EYS: variants seen among roughly 807,000 people sequenced by gnomAD.
EYS encodes protein eyes shut homolog.
A neutral mutation model predicts 282.1 loss-of-function variants in EYS; 250 were observed. The observed-to-expected ratio is 0.89, with a 90% CI of 0.80 to 0.98. The LOEUF (loss-of-function observed/expected upper bound fraction) is 0.98. Among genes scored for constraint, EYS ranks in the 50% least tolerant of loss-of-function variants. The pLI, the probability that EYS is intolerant of heterozygous loss-of-function variation, is 0.00. For missense variants in EYS, 4,016 were observed against 3,709.0 expected, an observed-to-expected ratio of 1.08 and a Z score of -2.15; for synonymous variants, 1,355 against 1,282.9, an observed-to-expected ratio of 1.06 and a Z score of -1.20.
intron 35 of EYS, among the ~76,000 whole-genome samples, chr6:63,902,366 A>T (rs889944561): frequency 6.6e-6 from 1 of 152,228 alleles, no homozygotes; most frequent in Non-Finnish European, 1.5e-5. Context: ...TCTTGTTAGT[A>T]GAAATATTAA....
chr6:65,536,781 T>C (rs1057138973), intron 2 of EYS, among the ~76,000 whole-genome samples: 3 of 152,056 alleles, frequency 2.0e-5, no homozygotes, highest in African/African-American at 7.2e-5. Flanking sequence ...TTTGGGGAGA[T>C]ATAATATGCT....
At chr6:64,627,475 C>A (rs1399481522) in intron 22 of EYS, among the ~76,000 whole-genome samples, 1 of 152,146 alleles carries the variant, frequency 6.6e-6, no homozygotes, top group Non-Finnish European at 1.5e-5. Context: ...AGTATTGGAT[C>A]ATAAGTTTTA....
chr6:64,613,697 G>A (rs191944888), intron 24 of EYS, among the ~76,000 whole-genome samples: 3 of 152,208 alleles, frequency 2.0e-5, no homozygotes, highest in Admixed American at 6.5e-5. Flanking sequence ...CAGTGTGTAC[G>A]AGCTTGAGAG....
chr6:64,469,414 A>T (rs577540942), intron 26 of EYS, among the ~76,000 whole-genome samples: 1 of 152,248 alleles, frequency 6.6e-6, no homozygotes, highest in South Asian at 2.1e-4. Context: ...ATTAATCATT[A>T]GTTAGTAGTA....
At chr6:64,801,709 A>G (rs913399100) in intron 22 of EYS, among the ~76,000 whole-genome samples, 1 of 152,172 alleles carries the variant, frequency 6.6e-6, no homozygotes, top group African/African-American at 2.4e-5. Flanking sequence ...TCAAAGAAAG[A>G]AAAAAGTACA....
At chr6:63,905,263 G>GT (rs1461410707) in intron 35 of EYS, among the ~76,000 whole-genome samples, 7 of 362 alleles carry the variant, frequency 0.019, no homozygotes, top group Admixed American at 0.083. Context: ...ATGTGGAAAG[G>GT]CCTTTAAATA....
chr6:64,067,014 A>G (rs1562183066), intron 32 of EYS, among the ~76,000 whole-genome samples: 1 of 151,946 alleles, frequency 6.6e-6, no homozygotes, highest in Admixed American at 6.6e-5. Context: ...AAAAGAGATA[A>G]ATATTTCTTT....
chr6:64,932,371 C>G (rs972365277), intron 15 of EYS, among the ~76,000 whole-genome samples: 3 of 152,018 alleles, frequency 2.0e-5, no homozygotes, highest in Admixed American at 2.0e-4. Flanking sequence ...ACTAAAAATT[C>G]ACTCTTATAA....
chr6:65,314,880 T>C lies in EYS; in HGVS notation c.1767-18761A>G, dbSNP rs151097702. ...AATCCCATACAGAAGGGTCACTGTT[T>C]ATATTTCTCCAAAGCCTGGTCAAAA... is the stretch of plus-strand genomic sequence containing the variant. On this transcript the variant is annotated intron_variant, in intron 11 of 42. Transcript: ENST00000503581. Among the ~76,000 whole-genome samples, 1,407 of 152,260 alleles carry C rather than the reference T, an allele frequency of 9.2e-3. 24 individuals are homozygous for C. Among genetic ancestry groups the C allele is most frequent in the African/African-American group, 0.032 (1,317 of 41,524 alleles).
intron 22 of EYS, among the ~76,000 whole-genome samples, chr6:64,662,071 A>C (rs1407780176): frequency 1.3e-5 from 2 of 151,990 alleles, no homozygotes; most frequent in East Asian, 3.9e-4. Flanking sequence ...CGATGAGTTC[A>C]TGTCCTTTGT....
intron 12 of EYS, among the ~76,000 whole-genome samples, chr6:65,193,741 T>C (rs1765698390): frequency 6.6e-6 from 1 of 151,412 alleles, no homozygotes; most frequent in African/African-American, 2.4e-5. Context: ...AAGTAAACAA[T>C]ATAATACAAA....
intron 28 of EYS, among the ~76,000 whole-genome samples, chr6:64,434,864 G>A (rs1248811647): frequency 1.3e-5 from 2 of 151,890 alleles, no homozygotes; most frequent in African/African-American, 2.4e-5. Context: ...CATGCCTGAG[G>A]CCAGAACAGC....
At chr6:64,672,511 G>A (rs1299289320) in intron 22 of EYS, among the ~76,000 whole-genome samples, 11 of 152,128 alleles carry the variant, frequency 7.2e-5, no homozygotes, top group Admixed American at 5.9e-4. Context: ...AAAAGAAATA[G>A]CAGAGAGACA....
chr6:65,108,596 C>T (rs1300386542), intron 12 of EYS, among the ~76,000 whole-genome samples: 1 of 151,992 alleles, frequency 6.6e-6, no homozygotes, highest in African/African-American at 2.4e-5. Flanking sequence ...ATTTTTATTA[C>T]CATGTTTGTA....
At chr6:64,536,982 T>A (rs1346023469) in intron 26 of EYS, among the ~76,000 whole-genome samples, 1 of 151,726 alleles carries the variant, frequency 6.6e-6, no homozygotes. Context: ...TAAATTTATG[T>A]GTCTCTTTGT....
chr6:64,002,729 G>GGA (rs1768154861), intron 33 of EYS, among the ~76,000 whole-genome samples: 1 of 152,102 alleles, frequency 6.6e-6, no homozygotes, highest in Admixed American at 6.5e-5. Flanking sequence ...ATAGAGATAG[G>GGA]GTCCCACTAT....
At chr6:65,554,019 G>T (rs1480366723) in intron 2 of EYS, among the ~76,000 whole-genome samples, 1 of 152,076 alleles carries the variant, frequency 6.6e-6, no homozygotes, top group African/African-American at 2.4e-5. Flanking sequence ...GGGTCATGAG[G>T]GCTCTGCCTT....
chr6:64,536,625 G>A (rs950450333), intron 26 of EYS, among the ~76,000 whole-genome samples: 33 of 151,914 alleles, frequency 2.2e-4, no homozygotes, highest in Admixed American at 5.9e-4. Context: ...TTTGGGTAAT[G>A]CATAGGGCTA....
chr6:64,009,307 G>A (rs1212487567), intron 33 of EYS, among the ~76,000 whole-genome samples: 1 of 147,692 alleles, frequency 6.8e-6, no homozygotes, highest in Non-Finnish European at 1.5e-5. Context: ...TTTTGGAGAC[G>A]GAGTCTCACT....
Sources: allele counts gnomAD v4.1 joint callset (sites outside exome capture counted in the v4.1 genomes callset), GRCh38; gene constraint gnomAD v4.1.1; transcripts MANE v1.5; gene names NCBI Gene and HGNC (gene_info 2026-07-23, HGNC 2026-07-21).